The following ADCY3 variants were observed in gnomAD, a reference collection of about 807,000 sequenced individuals.
The protein encoded by ADCY3 is adenylate cyclase type 3.
In ADCY3, 70 loss-of-function variants were observed where a neutral mutation model predicts 119.4. The ratio of observed to expected loss-of-function variants is 0.59; its 90% confidence interval spans 0.48 to 0.72. The LOEUF is 0.72. Among genes scored for constraint, ADCY3 ranks in the 30% least tolerant of loss-of-function variants. The probability of loss-of-function intolerance (pLI) is 0.00; values close to 1 mark genes in which losing one functional copy is unlikely to be tolerated. For synonymous variants in ADCY3, 672 were observed against 621.4 expected (o/e 1.08, Z -1.21); for missense variants, 1,238 against 1,541.6 (o/e 0.80, Z 3.30).
rs748716285 is a variant in ADCY3 at position 24,842,351 on chromosome 2, C to T, written c.859G>A (p.Val287Met). The change falls in exon 4 of 22, where the codon GTG becomes ATG. Residue 287 changes from valine to methionine, a missense_variant. Physicochemically the swap from Val to Met is conservative, Grantham distance 21. Around this residue, in one of 7 missense-constraint regions of ADCY3, gnomAD observed 283 missense variants for 437.2 expected, o/e 0.65. Transcript: ENST00000679454. This position sits in a 1 kb window ranked among gnomAD's most constrained non-coding sequence, Gnocchi z 4.9. The stretch of plus-strand genomic sequence containing the variant: ...ATGTCTTTCAGCATCTCGTCAGCCA[C>T]GTGCTTGGGCAGGATGGAAAGCATG... ...NLMLSILPKH[V>M]ADEMLKDMKK... 4 of 1,614,134 alleles carry T rather than the reference C, an allele frequency of 2.5e-6. No homozygotes were observed. The highest frequency in any genetic ancestry group is 1.1e-5 in the South Asian group (1 of 91,076).
At position 24,920,215 on chromosome 2, in the gene ADCY3, C is replaced by A. The variant is rs1209744376; in HGVS notation, c.-730G>T. Among the ~76,000 whole-genome samples, 1 of 145,614 alleles carries A rather than the reference C, an allele frequency of 6.9e-6. No individual in the cohort carries two copies. Among genetic ancestry groups the A allele is most frequent in the Non-Finnish European group, 1.5e-5 (1 of 65,552 alleles). ...ACAGCTATTCCCCGCGCGGCGCCGGCGGCTCCGGGGCCACGCGCGCTCCAG... is the reference window on the plus strand; with the variant it reads ...ACAGCTATTCCCCGCGCGGCGCCGGAGGCTCCGGGGCCACGCGCGCTCCAG... On this transcript the variant is annotated 5_prime_UTR_variant, in exon 1 of 22. Coordinates refer to ENST00000679454, the MANE Select transcript of ADCY3 (RefSeq NM_004036.5). The surrounding 1 kb of genome is among the most constrained non-coding windows in gnomAD (Gnocchi z 4.5).
Position 24,892,604 on chromosome 2 carries a change from A to T in ADCY3, c.676-19885T>A, listed in dbSNP as rs1232942302. ...GGTTGTGTGTCTTTGAGAACATTTCAGTGCACTTGAAAAGAATGTATGTTC... is the reference window on the plus strand; with the variant it reads ...GGTTGTGTGTCTTTGAGAACATTTCTGTGCACTTGAAAAGAATGTATGTTC... On this transcript the variant is annotated intron_variant, in intron 2 of 21. Transcript: ENST00000679454. Among the ~76,000 whole-genome samples the T allele has an allele frequency of 2.6e-5, 4 of 152,278 alleles. No homozygotes were observed. The East Asian group carries it at 7.7e-4, about 29-fold the overall frequency.
At chr2:24,901,740 C>G (rs933615141) in intron 2 of ADCY3, among the ~76,000 whole-genome samples, 32 of 148,606 alleles carry the variant, frequency 2.2e-4, no homozygotes, top group African/African-American at 7.7e-4. Context: ...AACCCAGGAG[C>G]TCAAGCCCAA....
In ADCY3 at chr2:24,834,620, A is replaced by G. The variant is rs1165105652; in HGVS notation, c.1832T>C (p.Leu611Ser). 6.2e-7 allele frequency: 1 copy of G among 1,614,126 alleles called. No homozygotes were observed. The change falls in exon 11 of 22, where the codon TTG becomes TCG. Residue 611 changes from leucine to serine, a missense_variant. By Grantham distance (145) the Leu-to-Ser change is moderately radical (BLOSUM62 -2). Around this residue, in one of 7 missense-constraint regions of ADCY3, gnomAD observed 499 missense variants for 571.0 expected, o/e 0.87. Transcript: ENST00000679454. This position sits in a 1 kb window ranked among gnomAD's most constrained non-coding sequence, Gnocchi z 4.2. The stretch of plus-strand genomic sequence containing the variant: ...CTCGGGGTCCATGAACCGCATGGAC[A>G]AGAGGAAGGTGTTTCTCTTCTTTAC... Reference protein sequence around the residue: ...QVVKKRNTFLLSMRFMDPEME... With the variant: ...QVVKKRNTFLSSMRFMDPEME...
rs1410233579 is a variant in ADCY3 at position 24,842,416 on chromosome 2, G to A, written c.826-32C>T. On this transcript the variant is annotated intron_variant, in intron 3 of 21. Coordinates refer to ENST00000679454, the MANE Select transcript of ADCY3 (RefSeq NM_004036.5). This position sits in a 1 kb window ranked among gnomAD's most constrained non-coding sequence, Gnocchi z 4.9. Reference sequence around the variant, plus strand: ...GGGGCAGGAGAGGGTCAGAGGCAAAGGTAGGCCCTGCTAGAGGCAAGTTCA... The same window carrying A: ...GGGGCAGGAGAGGGTCAGAGGCAAAAGTAGGCCCTGCTAGAGGCAAGTTCA... 6.2e-7 allele frequency: 1 copy of A among 1,613,432 alleles called. No individual in the cohort carries two copies. The highest frequency in any genetic ancestry group is 1.1e-5 in the South Asian group (1 of 91,014).
At chr2:24,911,625 G>A (rs1168165933) in intron 2 of ADCY3, among the ~76,000 whole-genome samples, 1 of 91,792 alleles carries the variant, frequency 1.1e-5, no homozygotes, top group Non-Finnish European at 2.0e-5. Flanking sequence ...ACTCCAGCCT[G>A]GGAGACAGAC....
At chr2:24,886,667 G>A (rs114837460) in intron 2 of ADCY3, among the ~76,000 whole-genome samples, 441 of 152,304 alleles carry the variant, frequency 2.9e-3, no homozygotes, top group Non-Finnish European at 4.8e-3. Context: ...GCCAGTTCTC[G>A]CCACTCATCA....
rs757628600 is a variant in ADCY3 at position 24,872,641 on chromosome 2, G to C, written c.754C>G (p.Arg252Gly). The C allele has an allele frequency of 1.2e-6, 2 of 1,614,086 alleles. No individual in the cohort carries two copies. The highest frequency in any genetic ancestry group is 2.7e-5 in the African/African-American group (2 of 74,934). ...MSYYMADRKH[R>G]KAFLEARQSL... Reference sequence around the variant, plus strand: ...TGGCGGGCCTCCAGGAAGGCCTTGCGGTGCTTGCGGTCAGCCATGTAGTAG... The same window carrying C: ...TGGCGGGCCTCCAGGAAGGCCTTGCCGTGCTTGCGGTCAGCCATGTAGTAG... Residue 252 changes from arginine to glycine, a missense_variant, in exon 3 of 22, where the codon CGC becomes GGC. This residue lies in a region of ADCY3 where 283 missense variants were observed against 437.2 expected (regional missense o/e 0.65). Transcript: ENST00000679454. This position sits in a 1 kb window ranked among gnomAD's most constrained non-coding sequence, Gnocchi z 4.4.
intron 3 of ADCY3, among the ~76,000 whole-genome samples, chr2:24,854,903 A>C (rs1672819635): frequency 1.3e-5 from 2 of 152,120 alleles, no homozygotes; most frequent in African/African-American, 4.8e-5. Flanking sequence ...TACAAAAATT[A>C]GCAGGGCTTC....
rs756917475 is a variant in ADCY3 at position 24,837,059 on chromosome 2, G to C, written c.1534-14C>G. 1 of 1,613,468 alleles carries C rather than the reference G, an allele frequency of 6.2e-7. No individual in the cohort carries two copies. Reference sequence around the variant, plus strand: ...ATTGGGCAGGGCCTAGAGGAAAGGAGAGCTCAGCCATGATCTGGGCATGGG... The same window carrying C: ...ATTGGGCAGGGCCTAGAGGAAAGGACAGCTCAGCCATGATCTGGGCATGGG... On this transcript the variant is annotated splice_polypyrimidine_tract_variant and intron_variant, in intron 8 of 21. Coordinates refer to ENST00000679454, the MANE Select transcript of ADCY3 (RefSeq NM_004036.5).
chr2:24,875,054 C>G (rs529294611), intron 2 of ADCY3, among the ~76,000 whole-genome samples: 2 of 152,258 alleles, frequency 1.3e-5, no homozygotes, highest in South Asian at 4.1e-4. Context: ...TAACTCCTTG[C>G]ACAAGCTCAG....
intron 2 of ADCY3, among the ~76,000 whole-genome samples, chr2:24,884,601 G>A (rs868674109): frequency 2.0e-5 from 3 of 147,148 alleles, no homozygotes; most frequent in Non-Finnish European, 4.5e-5. Context: ...TCAGCCTCCC[G>A]AGTATCTGGG....
chr2:24,820,772 G>T lies in ADCY3; in HGVS notation c.3204C>A (p.Val1068=), dbSNP rs1427403684. Reference sequence around the variant, plus strand: ...TGGACTCCATCCTGCTGGCTACATTGACTGTATTGCCCCAGATGTCGTAGT... The same window carrying T: ...TGGACTCCATCCTGCTGGCTACATTTACTGTATTGCCCCAGATGTCGTAGT... ...KPHYDIWGNT[V]NVASRMESTG... is the part of the protein sequence containing the mutation. The change falls in exon 21 of 22, where the codon GTC becomes GTA. Residue 1068 remains valine, a synonymous_variant. Transcript: ENST00000679454. The T allele has an allele frequency of 6.2e-7, 1 of 1,613,964 alleles. No homozygotes were observed. Among genetic ancestry groups the T allele is most frequent in the Non-Finnish European group, 8.5e-7 (1 of 1,180,020 alleles).
chr2:24,835,904 C>G (rs1019801859), intron 9 of ADCY3, among the ~76,000 whole-genome samples: 4 of 150,482 alleles, frequency 2.7e-5, no homozygotes, highest in Non-Finnish European at 5.9e-5. Context: ...CCACTGCACT[C>G]CAGCCTGGGT....
At position 24,842,708 on chromosome 2, in the gene ADCY3, C is replaced by T; in HGVS notation, c.826-324G>A. ...CAGCAGTCCTGCGTGGGCTGCTGCA[C>T]CGTGAGCCCTCCCGGCAGGAGCCCT... On this transcript the variant is annotated intron_variant, in intron 3 of 21. Transcript: ENST00000679454. The surrounding 1 kb of genome is among the most constrained non-coding windows in gnomAD (Gnocchi z 4.9). 3.1e-6 allele frequency: 1 copy of T among 327,848 alleles called. No homozygotes were observed. Among genetic ancestry groups the T allele is most frequent in the East Asian group, 6.7e-5 (1 of 14,866 alleles). 20.3% of individuals were successfully genotyped at this position (327,848 alleles called of 1,614,324 possible).
chr2:24,849,006 G>A (rs373244908), intron 3 of ADCY3, among the ~76,000 whole-genome samples: 18 of 152,176 alleles, frequency 1.2e-4, no homozygotes, highest in African/African-American at 2.4e-4. Flanking sequence ...TGAGGAGGGC[G>A]CAGATGTGTG....
chr2:24,824,782 G>A (rs928271528), intron 16 of ADCY3, among the ~76,000 whole-genome samples: 7 of 152,150 alleles, frequency 4.6e-5, no homozygotes, highest in African/African-American at 1.4e-4. Flanking sequence ...CCAGCTACTC[G>A]GGAGGCTGAG....
At position 24,856,642 on chromosome 2, in the gene ADCY3, T is replaced by A. The variant is rs990602980; in HGVS notation, c.826-14258A>T. Among the ~76,000 whole-genome samples, 5 of 152,144 alleles carry A rather than the reference T, an allele frequency of 3.3e-5. No homozygotes were observed. In the East Asian group the frequency reaches 9.6e-4, roughly 29 times the overall value. On this transcript the variant is annotated intron_variant, in intron 3 of 21. Transcript: ENST00000679454. The stretch of plus-strand genomic sequence containing the variant: ...GGACGAAGTACCACAATGTGTGAAA[T>A]CTGGAAACTCCAATACTGCCGCCAT...
At chr2:24,824,339 A>T (rs762122499) in intron 17 of ADCY3, 39 bp downstream of exon 17, 1 of 1,605,990 alleles carries the variant, frequency 6.2e-7, no homozygotes, top group Non-Finnish European at 8.5e-7. Context: ...GATGGAGACA[A>T]ATGGCCTCAT....
Sources: gnomAD v4.1 joint callset for allele counts (sites outside exome capture counted in the v4.1 genomes callset) on GRCh38, gnomAD v4.1.1 for gene constraint, gnomAD v4.1.1 regional missense constraint, Gnocchi (gnomAD v3.1) non-coding constraint, MANE v1.5 for transcripts, NCBI Gene and HGNC (gene_info 2026-07-23, HGNC 2026-07-21) for gene names.